SP140: variants seen among roughly 807,000 people sequenced by gnomAD.
The protein encoded by SP140 is SP140 nuclear body protein, also known as nuclear body protein SP140.
A neutral mutation model predicts 125.0 loss-of-function variants in SP140; 81 were observed. That is an observed-to-expected ratio of 0.65 (90% CI 0.54 to 0.78). The LOEUF (loss-of-function observed/expected upper bound fraction) is 0.78. SP140 is among the 30% of genes least tolerant of loss of function. SP140 has a pLI of 0.00. For missense variants in SP140, 858 were observed against 1,037.0 expected (o/e 0.83, Z 2.37); for synonymous variants, 312 against 354.0 (o/e 0.88, Z 1.33).
chr2:230,312,543 CTAA>C (rs1188944695), intron 26 of SP140, 40 bp from the exon 27 acceptor site: 1 of 1,332,068 alleles, frequency 7.5e-7, no homozygotes, highest in African/African-American at 1.5e-5. Context: ...TCTCATGACG[CTAA>C]TGATGAGGAG....
At chr2:230,215,201 G>A in intron 3 of SP140, 2 of 1,089,964 alleles carry the variant, frequency 1.8e-6, no homozygotes, top group African/African-American at 1.6e-5. Flanking sequence ...TAAGTTTTAA[G>A]AAAGCTACCT....
At chr2:230,280,816 A>G (rs2055428833) in intron 15 of SP140, among the ~76,000 whole-genome samples, 1 of 152,104 alleles carries the variant, frequency 6.6e-6, no homozygotes, top group Non-Finnish European at 1.5e-5. Context: ...CTTAATTTAA[A>G]AAAATATTTT....
intron 22 of SP140, among the ~76,000 whole-genome samples, chr2:230,307,990 T>TATATACAC (rs869070046): frequency 2.5e-4 from 13 of 52,640 alleles, no homozygotes; most frequent in African/African-American, 5.3e-4. Context: ...TATATATATA[T>TATATACAC]ACACACACAC....
intron 15 of SP140, among the ~76,000 whole-genome samples, chr2:230,271,911 T>C (rs2053991295): frequency 6.6e-6 from 1 of 152,192 alleles, no homozygotes; most frequent in African/African-American, 2.4e-5. Flanking sequence ...AGACGTAGCA[T>C]GTGACTCATA....
At chr2:230,250,943 C>T (rs1247082912) in intron 9 of SP140, 38 bp from the exon 10 acceptor site, 1 of 1,609,572 alleles carries the variant, frequency 6.2e-7, no homozygotes, top group East Asian at 2.2e-5. Context: ...TAAGTTTTCT[C>T]TTCATAATTT....
intron 1 of SP140, chr2:230,212,788 G>C: frequency 6.2e-7 from 1 of 1,614,180 alleles, no homozygotes; most frequent in Non-Finnish European, 8.5e-7. Flanking sequence ...TCCTGGATGA[G>C]TGCAGGGAGA....
chr2:230,225,987 T>G lies in SP140; in HGVS notation c.59+84T>G, dbSNP rs941050865. The G allele has an allele frequency of 3.8e-6, 4 of 1,047,356 alleles. No homozygotes were observed. The African/African-American group carries it at 6.3e-5, about 17-fold the overall frequency. The allele number at this position is 1,047,356 out of a possible 1,614,324, so 64.9% of individuals were successfully genotyped here. The stretch of plus-strand genomic sequence containing the variant: ...CTTGTTATTTAATGTCTACCCAGCT[T>G]CACTCTACAGGTATACAATAGAATT... On this transcript the variant is annotated intron_variant, in intron 1 of 26. Coordinates refer to ENST00000392045, the MANE Select transcript of SP140 (RefSeq NM_007237.5).
rs754038132 is a variant in SP140, at chr2:230,211,550, G to A, written c.-322-2104G>A. On this transcript the variant is annotated intron_variant, in intron 1 of 4. Coordinates refer to the SP140 transcript ENST00000456542. The surrounding 1 kb of genome is among the most constrained non-coding windows in gnomAD (Gnocchi z 4.2). ...TATTTGGGGGATCAGGTTGTCACTG[G>A]CCACTGAATGGAGGAAGAAAAAGTT... 4 of 1,596,428 alleles carry A rather than the reference G, an allele frequency of 2.5e-6. No individual in the cohort carries two copies. Among genetic ancestry groups the A allele is most frequent in the Admixed American group, 3.3e-5 (2 of 59,994 alleles).
Position 230,207,977 on chromosome 2 carries a change from T to C in SP140, c.-323+4698T>C, listed in dbSNP as rs200753717. The stretch of plus-strand genomic sequence containing the variant: ...GTTTCCAGCCTCCAGCTTCCTCTTG[T>C]ACTCTCATCTTACCTCCTGGGAGGC... On this transcript the variant is annotated intron_variant, in intron 1 of 4. Transcript: ENST00000456542. 167 of 1,352,792 alleles carry C rather than the reference T, an allele frequency of 1.2e-4. No homozygotes were observed. The highest frequency in any genetic ancestry group is 9.1e-4 in the Middle Eastern group (5 of 5,484). 83.8% of individuals were successfully genotyped at this position (1,352,792 alleles called of 1,614,324 possible). A position where few individuals can be genotyped will look rare whatever the true frequency, so the allele number is the denominator to read the frequency against.
At position 230,238,225 on chromosome 2, in the gene SP140, G is replaced by C; in HGVS notation, c.250G>C (p.Ala84Pro). 6.3e-7 allele frequency: 1 copy of C among 1,591,286 alleles called. No homozygotes were observed. Among genetic ancestry groups the C allele is most frequent in the Non-Finnish European group, 8.5e-7 (1 of 1,171,426 alleles). Residue 84 changes from alanine to proline, a missense_variant, in exon 3 of 27, where the codon GCT (alanine) becomes CCT (proline). Physicochemically the swap from Ala to Pro is conservative, Grantham distance 27 (BLOSUM62 -1). Around this residue, in one of 4 missense-constraint regions of SP140, gnomAD observed 791 missense variants for 869.5 expected, o/e 0.91. Coordinates refer to ENST00000392045, the MANE Select transcript of SP140 (RefSeq NM_007237.5). Reference protein sequence around the residue: ...SEQMYEHFQEAFRNLVPVTRV... With the variant: ...SEQMYEHFQEPFRNLVPVTRV... ...TAATATTTTTAAGCATTTTCAAGAA[G>C]CTTTTAGAAACCTGGTCCCAGTGAC...
intron 8 of SP140, among the ~76,000 whole-genome samples, 179 bp from the exon 9 acceptor site, chr2:230,248,706 C>T (rs116631275): frequency 0.013 from 2,018 of 152,168 alleles, 44 homozygotes; most frequent in African/African-American, 0.045. Flanking sequence ...GGAGGCAGAA[C>T]GGTGAGGAGG....
At chr2:230,243,565 T>C (rs2049002043) in intron 4 of SP140, among the ~76,000 whole-genome samples, 166 bp from the exon 5 acceptor site, 1 of 152,232 alleles carries the variant, frequency 6.6e-6, no homozygotes, top group South Asian at 2.1e-4. Context: ...ATTCTCAGCC[T>C]CTGGTGAAGG....
At chr2:230,309,780 C>G in intron 22 of SP140, 144 bp from the exon 23 acceptor site, 1 of 738,664 alleles carries the variant, frequency 1.4e-6, no homozygotes. Context: ...AATCTCCATG[C>G]CATGTTTTTC....
At chr2:230,286,575 C>A (rs542329010) in intron 17 of SP140, among the ~76,000 whole-genome samples, 3 of 152,316 alleles carry the variant, frequency 2.0e-5, no homozygotes, top group African/African-American at 7.2e-5. Flanking sequence ...GAGATGCTTT[C>A]ATCAAGTCCA....
intron 10 of SP140, among the ~76,000 whole-genome samples, chr2:230,252,271 A>G (rs114876517): frequency 0.01 from 1,585 of 152,132 alleles, 26 homozygotes; most frequent in African/African-American, 0.035. Flanking sequence ...TCAGGGAGAG[A>G]TGTTTGGAAG....
At chr2:230,273,781 G>A (rs2054296649) in intron 15 of SP140, among the ~76,000 whole-genome samples, 1 of 152,172 alleles carries the variant, frequency 6.6e-6, no homozygotes, top group Non-Finnish European at 1.5e-5. Flanking sequence ...AAAAGAATAA[G>A]ATCATGTGCT....
At chr2:230,292,049 A>G (rs377031124) in intron 19 of SP140, among the ~76,000 whole-genome samples, 3 of 152,376 alleles carry the variant, frequency 2.0e-5, no homozygotes, top group East Asian at 3.9e-4. Flanking sequence ...TCTTTTACAT[A>G]TAAATTAAAT....
At chr2:230,206,923 C>T (rs1345864092) in intron 1 of SP140, among the ~76,000 whole-genome samples, 2 of 151,936 alleles carry the variant, frequency 1.3e-5, no homozygotes, top group Non-Finnish European at 2.9e-5. Context: ...GGACTAGCTT[C>T]CTAGGTTAAA....
intron 9 of SP140, 90 bp from the exon 10 acceptor site, chr2:230,250,891 A>G: frequency 6.9e-7 from 1 of 1,447,644 alleles, no homozygotes; most frequent in Non-Finnish European, 9.6e-7. Flanking sequence ...TGGGTGATGG[A>G]CAGCCCCACC....
Sources: gnomAD v4.1 joint callset for allele counts (sites outside exome capture counted in the v4.1 genomes callset) on GRCh38, gnomAD v4.1.1 for gene constraint, gnomAD v4.1.1 regional missense constraint, Gnocchi (gnomAD v3.1) non-coding constraint, MANE v1.5 for transcripts, NCBI Gene and HGNC (gene_info 2026-07-23, HGNC 2026-07-21) for gene names.